The following TNPO1 variants were observed in gnomAD, a reference collection of about 807,000 sequenced individuals.
TNPO1 encodes transportin 1, also known as transportin-1.
Under a neutral mutation model 119.5 loss-of-function variants are expected in TNPO1, and 8 were observed. The ratio of observed to expected loss-of-function variants is 0.07; its 90% CI spans 0.04 to 0.12. The LOEUF is 0.12. Among genes scored for constraint, TNPO1 ranks in the 10% least tolerant of loss-of-function variants. The pLI is 1.00. For synonymous variants in TNPO1, 362 were observed against 363.0 expected, an observed-to-expected ratio of 1.00 and a Z score of 0.03; for missense variants, 576 against 1,089.8, an observed-to-expected ratio of 0.53 and a Z score of 6.64.
chr5:72,861,857 T>C lies in TNPO1; in HGVS notation c.405T>C (p.Pro135=), dbSNP rs1746480984. The change falls in exon 5 of 25, where the codon CCT becomes CCC. Residue 135 remains proline (P), a synonymous_variant. Coordinates refer to ENST00000337273, the MANE Select transcript of TNPO1 (RefSeq NM_002270.4). ...CCAAGGGAGAATTGCAGAATTGGCCTGACCTCTTACCAAAACTCTGTAGCC... is the reference window on the plus strand; with the variant it reads ...CCAAGGGAGAATTGCAGAATTGGCCCGACCTCTTACCAAAACTCTGTAGCC... ...IASKGELQNW[P]DLLPKLCSLL... 1 of 1,613,932 alleles carries C rather than the reference T, an allele frequency of 6.2e-7. No homozygotes were observed. The highest frequency in any genetic ancestry group is 8.5e-7 in the Non-Finnish European group (1 of 1,179,902).
At chr5:72,897,314 T>C (rs1214467070) in intron 20 of TNPO1, among the ~76,000 whole-genome samples, 163 bp downstream of exon 20, 1 of 152,222 alleles carries the variant, frequency 6.6e-6, no homozygotes, top group Non-Finnish European at 1.5e-5. Context: ...TGCAGCTACA[T>C]TCTATAACCA....
intron 1 of TNPO1, among the ~76,000 whole-genome samples, chr5:72,822,356 GA>G (rs1744000067): frequency 6.6e-6 from 1 of 150,674 alleles, no homozygotes; most frequent in South Asian, 2.1e-4. Flanking sequence ...TGGCCAAAGA[GA>G]AAAAAGTTTT....
At position 72,883,082 on chromosome 5, in the gene TNPO1, G is replaced by A; in HGVS notation, c.1000G>A (p.Glu334Lys). ...ILLKGDVEEDETIPDSEQDIR... is the reference protein window; with the variant it reads ...ILLKGDVEEDKTIPDSEQDIR... The stretch of plus-strand genomic sequence containing the variant: ...ACAACAGGGTGATGTTGAAGAAGAC[G>A]AAACGATTCCTGATAGTGAACAGGA... The change falls in exon 11 of 25, where the codon GAA becomes AAA. Residue 334 changes from glutamate to lysine, a missense_variant. Coordinates refer to ENST00000337273, the MANE Select transcript of TNPO1 (RefSeq NM_002270.4). The A allele has an allele frequency of 1.2e-6, 2 of 1,612,720 alleles. No homozygotes were observed. The highest frequency in any genetic ancestry group is 1.7e-6 in the Non-Finnish European group (2 of 1,179,636).
intron 24 of TNPO1, 172 bp downstream of exon 24, chr5:72,905,617 A>G: frequency 2.9e-6 from 1 of 349,120 alleles, no homozygotes; most frequent in Non-Finnish European, 5.1e-6. Context: ...TAAGTGGGCC[A>G]GGTGTGGTGG....
chr5:72,839,861 G>A (rs1744834978), intron 1 of TNPO1, among the ~76,000 whole-genome samples: 1 of 152,186 alleles, frequency 6.6e-6, no homozygotes, highest in South Asian at 2.1e-4. Context: ...TACATGGAGA[G>A]TGAGACCAAC....
chr5:72,874,016 TA>T (rs1458216098), intron 7 of TNPO1, among the ~76,000 whole-genome samples: 1 of 152,054 alleles, frequency 6.6e-6, no homozygotes, highest in African/African-American at 2.4e-5. Flanking sequence ...TATAAGGAAA[TA>T]TAATCTAAAA....
At chr5:72,872,962 G>A (rs1372381682) in intron 7 of TNPO1, among the ~76,000 whole-genome samples, 3 of 151,956 alleles carry the variant, frequency 2.0e-5, no homozygotes, top group Non-Finnish European at 4.4e-5. Flanking sequence ...ACTGATTTTG[G>A]TGGCGGGGTA....
Position 72,865,679 on chromosome 5 carries a change from C to G in TNPO1, c.546C>G (p.Ile182Met). 6.2e-7 allele frequency: 1 copy of G among 1,613,788 alleles called. No homozygotes were observed. Among genetic ancestry groups the G allele is most frequent in the Non-Finnish European group, 8.5e-7 (1 of 1,179,828 alleles). ...ATGTTTTAGATCGTCCTCTCAACAT[C>G]ATGATTCCCAAATTTTTACAGTTCT... ...DSDVLDRPLN[I>M]MIPKFLQFFK... The change falls in exon 6 of 25, where the codon ATC becomes ATG. Residue 182 changes from isoleucine to methionine, a missense_variant. Physicochemically the swap from Ile to Met is conservative, Grantham distance 10. Around this residue, in one of 6 missense-constraint regions of TNPO1, gnomAD observed 310 missense variants for 583.0 expected, o/e 0.53. Coordinates refer to ENST00000337273, the MANE Select transcript of TNPO1 (RefSeq NM_002270.4).
At chr5:72,854,079 A>C (rs1490664129) in intron 3 of TNPO1, among the ~76,000 whole-genome samples, 2 of 152,228 alleles carry the variant, frequency 1.3e-5, no homozygotes, top group East Asian at 1.9e-4. Flanking sequence ...CTCGTAAACA[A>C]AGTCATGCCA....
chr5:72,891,547 G>A (rs1311387107), intron 14 of TNPO1, among the ~76,000 whole-genome samples: 2 of 152,108 alleles, frequency 1.3e-5, no homozygotes, highest in Non-Finnish European at 2.9e-5. Flanking sequence ...TTTATTGATA[G>A]ACTCTTTTTT....
chr5:72,848,309 G>C (rs774766121), intron 1 of TNPO1, 76 bp from the exon 2 acceptor site: 109 of 1,426,522 alleles, frequency 7.6e-5, no homozygotes, highest in Admixed American at 1.4e-4. Flanking sequence ...GGTCAGCTGC[G>C]CGCGGGAAGC....
At position 72,910,243 on chromosome 5, in the gene TNPO1, C is replaced by G. The variant is rs1471084124; in HGVS notation, c.*1570C>G. The G allele has an allele frequency of 6.6e-6, 1 of 152,562 alleles. No individual in the cohort carries two copies. The highest frequency in any genetic ancestry group is 1.5e-5 in the Non-Finnish European group (1 of 68,006). 9.5% of individuals were successfully genotyped at this position (152,562 alleles called of 1,614,324 possible). A position where few individuals can be genotyped will look rare whatever the true frequency, so the allele number is the denominator to read the frequency against. ...TACAGAGTGAAAGTTGGTTTGGATC[C>G]TCTTCATTTCATTTGTTTAGCTTTT... On this transcript the variant is annotated 3_prime_UTR_variant, in exon 25 of 25. Transcript: ENST00000337273.
At chr5:72,870,564 A>G (rs985708425) in intron 6 of TNPO1, among the ~76,000 whole-genome samples, 3 of 152,204 alleles carry the variant, frequency 2.0e-5, no homozygotes, top group South Asian at 4.1e-4. Flanking sequence ...TTATGATACT[A>G]TTGTAAATGG....
At chr5:72,859,960 C>T (rs570061102) in intron 4 of TNPO1, among the ~76,000 whole-genome samples, 97 of 152,120 alleles carry the variant, frequency 6.4e-4, no homozygotes, top group Non-Finnish European at 1.2e-3. Context: ...TTTGCAGGAA[C>T]GATCAGATCT....
intron 2 of TNPO1, 119 bp from the exon 3 acceptor site, chr5:72,851,125 T>C (rs1001011787): frequency 1.8e-6 from 1 of 570,410 alleles, no homozygotes; most frequent in Non-Finnish European, 3.1e-6. Flanking sequence ...ATTCTTAGTT[T>C]AAAAAAAAAA....
At chr5:72,882,972 C>A in intron 10 of TNPO1, 92 bp from the exon 11 acceptor site, 1 of 890,018 alleles carries the variant, frequency 1.1e-6, no homozygotes, top group Non-Finnish European at 1.8e-6. Flanking sequence ...CTGTGCATGA[C>A]CCCATCTCTG....
rs902243860 is a variant in TNPO1 at position 72,853,814 on chromosome 5, G to A, written c.206-1960G>A. ...TATGTAGTAATCTTATCACTGAATTGTAGAGTAAAATTTTTGATCTGTAAG... is the reference window on the plus strand; with the variant it reads ...TATGTAGTAATCTTATCACTGAATTATAGAGTAAAATTTTTGATCTGTAAG... On this transcript the variant is annotated intron_variant, in intron 3 of 24. Coordinates refer to ENST00000337273, the MANE Select transcript of TNPO1 (RefSeq NM_002270.4). Among the ~76,000 whole-genome samples, 3 of 152,306 alleles carry A rather than the reference G, an allele frequency of 2.0e-5. 1 individual carries two copies. The East Asian group carries it at 5.8e-4, about 29-fold the overall frequency.
rs373834157 is a variant in TNPO1 at position 72,877,377 on chromosome 5, G to A, written c.920+31G>A. On this transcript the variant is annotated intron_variant, in intron 9 of 24. Coordinates refer to ENST00000337273, the MANE Select transcript of TNPO1 (RefSeq NM_002270.4). ...TGTTCCCTCTTATAAATGCTGCCTT[G>A]TTCTTTAATTTCTTAAGTGATTCTT... The A allele has an allele frequency of 2.8e-5, 30 of 1,067,010 alleles. No homozygotes were observed. The African/African-American group carries it at 4.6e-4, about 16-fold the overall frequency. The allele number at this position is 1,067,010 out of a possible 1,614,324, so 66.1% of individuals were successfully genotyped here. A position where few individuals can be genotyped will look rare whatever the true frequency, so the allele number is the denominator to read the frequency against.
At chr5:72,892,393 A>G (rs915635586) in intron 15 of TNPO1, among the ~76,000 whole-genome samples, 5 of 152,150 alleles carry the variant, frequency 3.3e-5, no homozygotes, top group Non-Finnish European at 5.9e-5. Context: ...TGATAGAACC[A>G]GTTCAGGCCT....
Sources: gnomAD v4.1 joint callset for allele counts (sites outside exome capture counted in the v4.1 genomes callset) on GRCh38, gnomAD v4.1.1 for gene constraint, gnomAD v4.1.1 regional missense constraint, MANE v1.5 for transcripts, NCBI Gene and HGNC (gene_info 2026-07-23, HGNC 2026-07-21) for gene names.